Variants in BRIP1 observed in about 807,000 individuals in gnomAD.
BRIP1 encodes Fanconi anemia group J protein.
In BRIP1, 88 loss-of-function variants were observed where a neutral mutation model predicts 119.7. That is an observed-to-expected ratio of 0.74 (90% CI 0.62 to 0.88). BRIP1 has a LOEUF of 0.88. Ranked by LOEUF, BRIP1 falls within the 40% of genes least tolerant of loss-of-function variation. The pLI is 0.00. For missense variants in BRIP1, 1,259 were observed against 1,455.4 expected, an observed-to-expected ratio of 0.87 and a Z score of 2.20; for synonymous variants, 443 against 496.5, an observed-to-expected ratio of 0.89 and a Z score of 1.43.
rs377073969 is a variant in BRIP1 at position 61,726,323 on chromosome 17, T to C, written c.2380-10260A>G. Among the ~76,000 whole-genome samples the C allele has an allele frequency of 7.5e-4, 115 of 152,344 alleles. 2 individuals are homozygous for C. The highest frequency in any genetic ancestry group is 2.6e-3 in the African/African-American group (110 of 41,578). On this transcript the variant is annotated intron_variant, in intron 16 of 19. Transcript: ENST00000259008. This position sits in a 1 kb window ranked among gnomAD's most constrained non-coding sequence, Gnocchi z 6.2. ...CATGAAACAGTAAAGCATCAGATAC[T>C]AGAGGTAAGTGGACGAGAAAGTCAT...
chr17:61,832,863 A>G lies in BRIP1; in HGVS notation c.627+14238T>C, dbSNP rs2078513741. 6.6e-6 allele frequency among the ~76,000 whole-genome samples: 1 copy of G among 152,256 alleles called. No homozygotes were observed. The highest frequency in any genetic ancestry group is 6.5e-5 in the Admixed American group (1 of 15,290). On this transcript the variant is annotated intron_variant, in intron 6 of 19. Coordinates refer to ENST00000259008, the MANE Select transcript of BRIP1 (RefSeq NM_032043.3). This position sits in a 1 kb window ranked among gnomAD's most constrained non-coding sequence, Gnocchi z 5.5. Reference sequence around the variant, plus strand: ...TCTTATGGTTATATTGTGATTATGTATAAGAATGTCTTTGCTTATAAGACA... The same window carrying G: ...TCTTATGGTTATATTGTGATTATGTGTAAGAATGTCTTTGCTTATAAGACA...
Position 61,748,801 on chromosome 17 carries a change from T to C in BRIP1, c.2098-4210A>G, listed in dbSNP as rs1469732317. On this transcript the variant is annotated intron_variant, in intron 14 of 19. Coordinates refer to ENST00000259008, the MANE Select transcript of BRIP1 (RefSeq NM_032043.3). This position sits in a 1 kb window ranked among gnomAD's most constrained non-coding sequence, Gnocchi z 4.7. Reference sequence around the variant, plus strand: ...AAAACTGGACCTTTATCTTACACAATACACAAAAGTTCACTCAAAATGGAT... The same window carrying C: ...AAAACTGGACCTTTATCTTACACAACACACAAAAGTTCACTCAAAATGGAT... 2.6e-5 allele frequency among the ~76,000 whole-genome samples: 4 copies of C among 152,178 alleles called. No homozygotes were observed. The highest frequency in any genetic ancestry group is 9.7e-5 in the African/African-American group (4 of 41,448).
In BRIP1 at chr17:61,769,345, A is replaced by G. The variant is rs2077415485; in HGVS notation, c.2097+7056T>C. On this transcript the variant is annotated intron_variant, in intron 14 of 19. Coordinates refer to ENST00000259008, the MANE Select transcript of BRIP1 (RefSeq NM_032043.3). The surrounding 1 kb of genome is among the most constrained non-coding windows in gnomAD (Gnocchi z 4.9). ...TAGAACTAATACAACCCATCTAATT[A>G]TATTTCAATCCTGGTTCCTCATGTC... is the stretch of plus-strand genomic sequence containing the variant. Among the ~76,000 whole-genome samples, 1 of 152,186 alleles carries G rather than the reference A, an allele frequency of 6.6e-6. No individual in the cohort carries two copies. Among genetic ancestry groups the G allele is most frequent in the Admixed American group, 6.6e-5 (1 of 15,256 alleles).
intron 17 of BRIP1, among the ~76,000 whole-genome samples, chr17:61,702,152 G>A (rs893014591): frequency 1.3e-5 from 2 of 152,198 alleles, no homozygotes; most frequent in African/African-American, 4.8e-5. Flanking sequence ...AAATTTCAGA[G>A]GTCTTTGTTC....
rs544559731 is a variant in BRIP1, at chr17:61,740,612, C to T, written c.2379+2401G>A. On this transcript the variant is annotated intron_variant, in intron 16 of 19. Transcript: ENST00000259008. This position sits in a 1 kb window ranked among gnomAD's most constrained non-coding sequence, Gnocchi z 5.4. ...ATTGCAAGTTTGGTTCCAGACCACC[C>T]CAATAAGGAGAATATCATAACAAAG... Among the ~76,000 whole-genome samples, 32 of 152,152 alleles carry T rather than the reference C, an allele frequency of 2.1e-4. No individual in the cohort carries two copies. The South Asian group carries it at 6.2e-3, about 30-fold the overall frequency.
In BRIP1 at chr17:61,683,826, TA is replaced by T. The variant is rs1252979934; in HGVS notation, c.3219del (p.Ile1074PhefsTer4). 1.9e-6 allele frequency: 3 copies of T among 1,614,144 alleles called. No homozygotes were observed. ...SFGSCPQSET[I>X]ISSLKIDATL... ...GTGGCATCAATCTTTAATGATGAAA[TA>T]ATGGTTTCTGATTGAGGGCATGATC... is the stretch of plus-strand genomic sequence containing the variant. On this transcript the variant is annotated frameshift_variant, in exon 20 of 20. Transcript: ENST00000259008. LOFTEE classifies it low-confidence loss of function (END_TRUNC). This position sits in a 1 kb window ranked among gnomAD's most constrained non-coding sequence, Gnocchi z 4.7.
At chr17:61,714,760 C>T (rs986992714) in intron 17 of BRIP1, among the ~76,000 whole-genome samples, 5 of 150,292 alleles carry the variant, frequency 3.3e-5, no homozygotes, top group Admixed American at 1.3e-4. Context: ...TTTAGGATCA[C>T]GATTATAGTT....
At chr17:61,719,910 C>G (rs1263596673) in intron 16 of BRIP1, among the ~76,000 whole-genome samples, 3 of 152,036 alleles carry the variant, frequency 2.0e-5, no homozygotes, top group Non-Finnish European at 4.4e-5. Context: ...CTTACTTCAG[C>G]CTTGACCTCC....
Position 61,796,293 on chromosome 17 carries a change from C to T in BRIP1, c.1341-2564G>A, listed in dbSNP as rs566679881. ...ATCTGTCCATTTTTGCTTTGGTTAC[C>T]TGTGCTTGTGGGGTATTGCTCAAGA... On this transcript the variant is annotated intron_variant, in intron 9 of 19. Transcript: ENST00000259008. The surrounding 1 kb of genome is among the most constrained non-coding windows in gnomAD (Gnocchi z 4.8). Among the ~76,000 whole-genome samples the T allele has an allele frequency of 1.2e-4, 18 of 152,140 alleles. No individual in the cohort carries two copies. Among genetic ancestry groups the T allele is most frequent in the African/African-American group, 4.3e-4 (18 of 41,508 alleles).
At chr17:61,858,172 C>T (rs548372532) in intron 3 of BRIP1, among the ~76,000 whole-genome samples, 1 of 151,922 alleles carries the variant, frequency 6.6e-6, no homozygotes, top group Non-Finnish European at 1.5e-5. Flanking sequence ...AATTCATATA[C>T]CCCCAAAAAA....
intron 5 of BRIP1, 90 bp downstream of exon 5, chr17:61,849,036 CTAA>C: frequency 2.2e-6 from 3 of 1,379,612 alleles, no homozygotes; most frequent in Non-Finnish European, 3.1e-6. Context: ...CATGACCCAA[CTAA>C]TCTCCACAAG....
chr17:61,727,892 T>C (rs1188226984), intron 16 of BRIP1, among the ~76,000 whole-genome samples: 1 of 151,664 alleles, frequency 6.6e-6, no homozygotes, highest in African/African-American at 2.4e-5. Flanking sequence ...TACAGTGGCA[T>C]GATCTTGGCC....
chr17:61,853,976 T>C lies in BRIP1; in HGVS notation c.379+3082A>G, dbSNP rs1440992720. Among the ~76,000 whole-genome samples, 1 of 152,120 alleles carries C rather than the reference T, an allele frequency of 6.6e-6. No individual in the cohort carries two copies. The highest frequency in any genetic ancestry group is 1.5e-5 in the Non-Finnish European group (1 of 68,024). ...CAATGAGATACTGCCACATGCCTAT[T>C]AGAGTAGCTAAAATTAAGGCCAGGT... On this transcript the variant is annotated intron_variant, in intron 4 of 19. Coordinates refer to ENST00000259008, the MANE Select transcript of BRIP1 (RefSeq NM_032043.3). This position sits in a 1 kb window ranked among gnomAD's most constrained non-coding sequence, Gnocchi z 4.3.
chr17:61,688,494 C>A (rs188327672), intron 18 of BRIP1, among the ~76,000 whole-genome samples: 3,901 of 151,700 alleles, frequency 0.026, 70 homozygotes, highest in Middle Eastern at 0.048. Flanking sequence ...CAAAAAAAAA[C>A]CAAGCAAATA....
chr17:61,743,274 G>T lies in BRIP1; in HGVS notation c.2258-140C>A. On this transcript the variant is annotated intron_variant, in intron 15 of 19. Coordinates refer to ENST00000259008, the MANE Select transcript of BRIP1 (RefSeq NM_032043.3). The surrounding 1 kb of genome is among the most constrained non-coding windows in gnomAD (Gnocchi z 4.3). ...AAATAAAACACTATTATGAGATAAA[G>T]TTTTAAAAGTTCAATGTCTTTAAGT... 1 of 1,144,940 alleles carries T rather than the reference G, an allele frequency of 8.7e-7. No individual in the cohort carries two copies. The highest frequency in any genetic ancestry group is 1.4e-5 in the South Asian group (1 of 69,248). 70.9% of individuals were successfully genotyped at this position (1,144,940 alleles called of 1,614,324 possible). A position where few individuals can be genotyped will look rare whatever the true frequency, so the allele number is the denominator to read the frequency against.
chr17:61,785,322 G>C (rs2077689587), intron 10 of BRIP1, among the ~76,000 whole-genome samples: 1 of 152,122 alleles, frequency 6.6e-6, no homozygotes, highest in Non-Finnish European at 1.5e-5. Flanking sequence ...TTTTAATATG[G>C]ATGAAAGTGT....
intron 17 of BRIP1, among the ~76,000 whole-genome samples, chr17:61,696,768 G>A (rs946404418): frequency 8.0e-5 from 12 of 150,882 alleles, no homozygotes; most frequent in African/African-American, 2.7e-4. Flanking sequence ...GGCAGATCAC[G>A]AGATCAGGAG....
chr17:61,859,592 T>C (rs1160481785), intron 3 of BRIP1, among the ~76,000 whole-genome samples: 2 of 152,354 alleles, frequency 1.3e-5, no homozygotes, highest in Admixed American at 6.5e-5. Context: ...GACTAAATTA[T>C]GTTCAATACT....
At chr17:61,733,443 A>AT (rs1210155767) in intron 16 of BRIP1, among the ~76,000 whole-genome samples, 7 of 152,140 alleles carry the variant, frequency 4.6e-5, no homozygotes, top group African/African-American at 1.7e-4. Context: ...AATGTGCTTT[A>AT]TTACTTTATT....
Sources: allele counts gnomAD v4.1 joint callset (sites outside exome capture counted in the v4.1 genomes callset), GRCh38; gene constraint gnomAD v4.1.1; non-coding constraint Gnocchi (gnomAD v3.1); transcripts MANE v1.5; gene names NCBI Gene and HGNC (gene_info 2026-07-23, HGNC 2026-07-21).